The following SEMA3C variants were observed in gnomAD, a reference collection of about 807,000 sequenced individuals.
SEMA3C encodes the protein semaphorin-3C.
A neutral mutation model predicts 89.4 loss-of-function variants in SEMA3C; 47 were observed. That is an observed-to-expected ratio of 0.53 (90% CI 0.42 to 0.67). The LOEUF is 0.67. SEMA3C is among the 30% of genes least tolerant of loss of function. The pLI is 0.00. For missense variants in SEMA3C, 839 were observed against 929.1 expected, an observed-to-expected ratio of 0.90 and a Z score of 1.26; for synonymous variants, 310 against 320.2, an observed-to-expected ratio of 0.97 and a Z score of 0.34.
At chr7:80,880,416 T>A (rs1348860614) in intron 2 of SEMA3C, among the ~76,000 whole-genome samples, 2 of 152,230 alleles carry the variant, frequency 1.3e-5, no homozygotes, top group African/African-American at 4.8e-5. Flanking sequence ...TAACTCAGTA[T>A]CTGGCACATA....
At chr7:80,870,193 C>T (rs965228318) in intron 2 of SEMA3C, among the ~76,000 whole-genome samples, 3 of 152,118 alleles carry the variant, frequency 2.0e-5, no homozygotes, top group Admixed American at 6.5e-5. Context: ...CCTTCTTTCC[C>T]CTATCTGCAA....
intron 1 of SEMA3C, among the ~76,000 whole-genome samples, chr7:80,918,585 C>T (rs937731401): frequency 2.0e-5 from 3 of 152,186 alleles, no homozygotes; most frequent in Admixed American, 1.3e-4. Flanking sequence ...CTTATCTCCT[C>T]TGGAGCAATT....
intron 11 of SEMA3C, chr7:80,796,463 C>G (rs1011292293): frequency 2.0e-5 from 3 of 152,234 alleles, no homozygotes; most frequent in African/African-American, 4.8e-5. Context: ...ACTGCAAGCT[C>G]CCCTCCCGGG....
intron 2 of SEMA3C, among the ~76,000 whole-genome samples, chr7:80,856,139 G>T (rs1254972708): frequency 6.6e-6 from 1 of 151,654 alleles, no homozygotes; most frequent in African/African-American, 2.4e-5. Flanking sequence ...TTATTTTTTT[G>T]AAGGGCTCAC....
intron 12 of SEMA3C, among the ~76,000 whole-genome samples, chr7:80,778,170 C>T (rs901238078): frequency 6.6e-6 from 1 of 152,126 alleles, no homozygotes; most frequent in East Asian, 1.9e-4. Context: ...TCACATAGGG[C>T]CTCAGCAATC....
intron 1 of SEMA3C, chr7:80,918,385 A>G (rs1425004321): frequency 6.6e-6 from 1 of 152,220 alleles, no homozygotes; most frequent in Admixed American, 6.5e-5. Flanking sequence ...AAGATAGTCT[A>G]CAGGGCAATT....
chr7:80,916,638 T>C, intron 2 of SEMA3C, 41 bp downstream of exon 2: 1 of 1,565,948 alleles, frequency 6.4e-7, no homozygotes, highest in East Asian at 2.3e-5. Context: ...TAACAAAACT[T>C]AAAATAACAT....
intron 2 of SEMA3C, among the ~76,000 whole-genome samples, chr7:80,884,684 A>G (rs776778352): frequency 2.6e-5 from 4 of 152,208 alleles, no homozygotes; most frequent in Non-Finnish European, 4.4e-5. Flanking sequence ...AGCTAGTGCA[A>G]GGTAACCAAG....
At chr7:80,862,424 G>A (rs1272557018) in intron 2 of SEMA3C, among the ~76,000 whole-genome samples, 1 of 152,092 alleles carries the variant, frequency 6.6e-6, no homozygotes, top group Non-Finnish European at 1.5e-5. Flanking sequence ...ACAAATCACT[G>A]CTCAAAGAAA....
In SEMA3C at chr7:80,765,232, C is replaced by A; in HGVS notation, c.1366G>T (p.Val456Leu). ...GTAGGAAGAACAACCACTTTTTGCACAGTACCCCGATCTAAATTAAAAAAA... is the reference window on the plus strand; with the variant it reads ...GTAGGAAGAACAACCACTTTTTGCAAAGTACCCCGATCTAAATTAAAAAAA... ...VLFLGTDRGT[V>L]QKVVVLPTNN... The change falls in exon 13 of 18, where the codon GTG becomes TTG. Residue 456 changes from valine to leucine, a missense_variant. By Grantham distance (32) the Val-to-Leu change is conservative. Transcript: ENST00000265361. 6.2e-7 allele frequency: 1 copy of A among 1,611,938 alleles called. No individual in the cohort carries two copies. Among genetic ancestry groups the A allele is most frequent in the Non-Finnish European group, 8.5e-7 (1 of 1,178,492 alleles).
At chr7:80,781,989 T>C (rs1554364665) in intron 12 of SEMA3C, among the ~76,000 whole-genome samples, 1 of 151,712 alleles carries the variant, frequency 6.6e-6, no homozygotes, top group Non-Finnish European at 1.5e-5. Flanking sequence ...CCATTTTAAT[T>C]AAGAAAAAAA....
At chr7:80,860,788 T>C (rs73374822) in intron 2 of SEMA3C, among the ~76,000 whole-genome samples, 15,746 of 152,186 alleles carry the variant, frequency 0.1, 1,136 homozygotes, top group African/African-American at 0.19. Context: ...TGTTTGCTCA[T>C]GAGGTCCTTT....
chr7:80,774,458 A>C (rs1165938627), intron 12 of SEMA3C, among the ~76,000 whole-genome samples: 3 of 152,220 alleles, frequency 2.0e-5, no homozygotes, highest in Non-Finnish European at 4.4e-5. Context: ...ATATTCAAAA[A>C]CTAAAGGAAG....
chr7:80,861,210 G>C (rs1790763265), intron 2 of SEMA3C, among the ~76,000 whole-genome samples: 1 of 151,962 alleles, frequency 6.6e-6, no homozygotes, highest in African/African-American at 2.4e-5. Flanking sequence ...TAAAGCATCA[G>C]TTTATCTATT....
chr7:80,912,718 G>GT (rs1377522788), intron 2 of SEMA3C, among the ~76,000 whole-genome samples: 1 of 152,144 alleles, frequency 6.6e-6, no homozygotes, highest in Non-Finnish European at 1.5e-5. Context: ...ATACTTCTCA[G>GT]TAACACAAAC....
intron 2 of SEMA3C, among the ~76,000 whole-genome samples, chr7:80,829,980 T>C (rs1352794744): frequency 2.0e-5 from 3 of 152,312 alleles, no homozygotes; most frequent in South Asian, 4.1e-4. Flanking sequence ...GATAGAGCTG[T>C]AGTTTGACTT....
chr7:80,885,962 A>G (rs1264872670), intron 2 of SEMA3C, among the ~76,000 whole-genome samples: 1 of 152,188 alleles, frequency 6.6e-6, no homozygotes, highest in Non-Finnish European at 1.5e-5. Flanking sequence ...AGCATCTATT[A>G]CAACAAACCT....
At chr7:80,765,843 C>T (rs972730462) in intron 12 of SEMA3C, among the ~76,000 whole-genome samples, 14 of 152,114 alleles carry the variant, frequency 9.2e-5, no homozygotes, top group Non-Finnish European at 1.6e-4. Flanking sequence ...TCCCAAAGTG[C>T]TGGTATTACA....
chr7:80,752,037 A>C (rs976938965), intron 15 of SEMA3C, among the ~76,000 whole-genome samples: 22 of 152,176 alleles, frequency 1.4e-4, no homozygotes, highest in Admixed American at 3.3e-4. Flanking sequence ...TATGCTGTGG[A>C]TCCACACCTA....
Sources: allele counts gnomAD v4.1 joint callset (sites outside exome capture counted in the v4.1 genomes callset), GRCh38; gene constraint gnomAD v4.1.1; transcripts MANE v1.5; gene names NCBI Gene and HGNC (gene_info 2026-07-23, HGNC 2026-07-21).